The following B4GALNT3 variants were observed in gnomAD, a reference collection of about 807,000 sequenced individuals.
B4GALNT3 encodes beta-1,4-N-acetylgalactosaminyltransferase 3.
In B4GALNT3, 86 loss-of-function variants were observed where a neutral mutation model predicts 120.2. That is an observed-to-expected ratio of 0.72 (90% CI 0.60 to 0.86). The LOEUF is 0.86. Among genes scored for constraint, B4GALNT3 ranks in the 40% least tolerant of loss-of-function variants. The pLI is 0.00. For missense variants in B4GALNT3, 1,167 were observed against 1,298.9 expected (o/e 0.90, Z 1.56); for synonymous variants, 518 against 510.4 (o/e 1.01, Z -0.20).
Position 550,052 on chromosome 12 carries a change from CA to C in B4GALNT3, c.997+141del. On this transcript the variant is annotated intron_variant, in intron 10 of 19. Transcript: ENST00000266383. This position sits in a 1 kb window ranked among gnomAD's most constrained non-coding sequence, Gnocchi z 4.1. ...TTTTTATCGTCCTTGTAACATAGAA[CA>C]TGCATACAGAAAAGAGAGCATGTAA... is the stretch of plus-strand genomic sequence containing the variant. The C allele has an allele frequency of 1.1e-6, 1 of 920,280 alleles. No individual in the cohort carries two copies. The highest frequency in any genetic ancestry group is 1.7e-5 in the African/African-American group (1 of 59,644). 57.0% of individuals were successfully genotyped at this position (920,280 alleles called of 1,614,324 possible).
chr12:550,953 C>T lies in B4GALNT3; in HGVS notation c.1029C>T (p.His343=), dbSNP rs145875846. The T allele has an allele frequency of 7.3e-5, 118 of 1,613,970 alleles. 1 individual carries two copies. In the African/African-American group the frequency reaches 8.7e-4, roughly 12 times the overall value. Reference sequence around the variant, plus strand: ...TGATCCCCAAGTCGCATCTCCGCCACGTCCTGCCTGACTGTCCCTACAAAC... The same window carrying T: ...TGATCCCCAAGTCGCATCTCCGCCATGTCCTGCCTGACTGTCCCTACAAAC... ...VPLIPKSHLR[H]VLPDCPYKPS... The change falls in exon 11 of 20, where the codon CAC becomes CAT. Residue 343 remains histidine (H), a synonymous_variant. Coordinates refer to ENST00000266383, the MANE Select transcript of B4GALNT3 (RefSeq NM_173593.4). The surrounding 1 kb of genome is among the most constrained non-coding windows in gnomAD (Gnocchi z 4.1).
rs1947187750 is a variant in B4GALNT3, at chr12:558,574, A to G, written c.2674A>G (p.Ile892Val). 1.9e-6 allele frequency: 3 copies of G among 1,614,152 alleles called. No homozygotes were observed. Among genetic ancestry groups the G allele is most frequent in the Admixed American group, 1.7e-5 (1 of 60,028 alleles). ...IHFPAGVIDA[I>V]RKHCVEGKMA... ...CTTCCCAGCTGGAGTCATCGATGCCATTCGGAAGCACTGTGTGGAGGGAAA... is the reference window on the plus strand; with the variant it reads ...CTTCCCAGCTGGAGTCATCGATGCCGTTCGGAAGCACTGTGTGGAGGGAAA... The change falls in exon 18 of 20, where the codon ATT becomes GTT. Residue 892 changes from isoleucine to valine, a missense_variant. Physicochemically the swap from Ile to Val is conservative, Grantham distance 29. Coordinates refer to ENST00000266383, the MANE Select transcript of B4GALNT3 (RefSeq NM_173593.4).
intron 1 of B4GALNT3, among the ~76,000 whole-genome samples, chr12:531,279 C>CAA (rs1435312057): frequency 3.3e-5 from 5 of 151,938 alleles, no homozygotes; most frequent in African/African-American, 1.2e-4. Context: ...CACTGTGAAA[C>CAA]AAAGAGGGGG....
chr12:545,640 ATGGGGAGGAGTGAGGAG>A (rs1946984462), intron 6 of B4GALNT3, among the ~76,000 whole-genome samples, 171 bp downstream of exon 6: 3 of 146,204 alleles, frequency 2.1e-5, no homozygotes, highest in Admixed American at 6.7e-5. Flanking sequence ...TAAACTGAGG[ATGGGGAGGAGTGAGGAG>A]TGGGGAGGAG....
intron 1 of B4GALNT3, among the ~76,000 whole-genome samples, chr12:503,982 G>A (rs1005796649): frequency 6.6e-6 from 1 of 152,064 alleles, no homozygotes; most frequent in Non-Finnish European, 1.5e-5. Flanking sequence ...GGGTGTGGTG[G>A]CACGCGCCTG....
At chr12:512,890 TCTACCTTC>T (rs1946607324) in intron 1 of B4GALNT3, among the ~76,000 whole-genome samples, 3 of 125,020 alleles carry the variant, frequency 2.4e-5, no homozygotes, top group Non-Finnish European at 3.3e-5. Flanking sequence ...CATTCCACCT[TCTACCTTC>T]CGCCTTCCGC....
chr12:532,171 G>T (rs917959079), intron 1 of B4GALNT3, among the ~76,000 whole-genome samples: 1 of 152,102 alleles, frequency 6.6e-6, no homozygotes, highest in African/African-American at 2.4e-5. Flanking sequence ...GACTGCAAAG[G>T]AATTTTCCTA....
At chr12:545,858 A>T (rs1198858010) in intron 6 of B4GALNT3, among the ~76,000 whole-genome samples, 1 of 13,346 alleles carries the variant, frequency 7.5e-5, no homozygotes, top group Non-Finnish European at 1.3e-4. Flanking sequence ...AGGAGCGAGG[A>T]GTGGGGAGGT....
chr12:554,708 T>G (rs987776327), intron 14 of B4GALNT3, among the ~76,000 whole-genome samples: 4 of 130,992 alleles, frequency 3.1e-5, no homozygotes, highest in African/African-American at 1.2e-4. Context: ...GAGAATGGCG[T>G]GAACCCGGGA....
intron 1 of B4GALNT3, among the ~76,000 whole-genome samples, chr12:463,527 A>T (rs1946045648): frequency 6.6e-6 from 1 of 152,136 alleles, no homozygotes. Context: ...GATGACCAGG[A>T]TGTGGTTTCT....
At chr12:530,284 C>G (rs955905147) in intron 1 of B4GALNT3, among the ~76,000 whole-genome samples, 7 of 152,210 alleles carry the variant, frequency 4.6e-5, no homozygotes, top group African/African-American at 1.7e-4. Flanking sequence ...TAGTCCTGGG[C>G]CTTTATTAAC....
At chr12:520,792 A>T (rs946064485) in intron 1 of B4GALNT3, among the ~76,000 whole-genome samples, 2 of 152,270 alleles carry the variant, frequency 1.3e-5, no homozygotes, top group Admixed American at 6.5e-5. Flanking sequence ...CTCCGTCTCA[A>T]ATAGATATAT....
At chr12:554,610 G>A (rs1317312491) in intron 14 of B4GALNT3, among the ~76,000 whole-genome samples, 2 of 151,422 alleles carry the variant, frequency 1.3e-5, no homozygotes, top group African/African-American at 2.4e-5. Flanking sequence ...CTAACACGGT[G>A]AAACCCCGTC....
intron 19 of B4GALNT3, among the ~76,000 whole-genome samples, chr12:560,618 CT>C (rs1478044981): frequency 1.3e-5 from 2 of 152,154 alleles, no homozygotes; most frequent in Non-Finnish European, 2.9e-5. Flanking sequence ...TAACTGGGAG[CT>C]CATAAAAAGG....
chr12:545,065 C>A (rs1946975386), intron 5 of B4GALNT3, 93 bp downstream of exon 5: 7 of 1,514,652 alleles, frequency 4.6e-6, no homozygotes, highest in Non-Finnish European at 6.2e-6. Context: ...GTAGACTGGA[C>A]TAACTTCCTG....
intron 1 of B4GALNT3, among the ~76,000 whole-genome samples, chr12:518,383 G>T (rs1426204320): frequency 6.6e-6 from 1 of 152,104 alleles, no homozygotes; most frequent in Admixed American, 6.6e-5. Flanking sequence ...AAAATATGGT[G>T]CAGTATTTGC....
intron 1 of B4GALNT3, among the ~76,000 whole-genome samples, chr12:475,858 C>T (rs1946179689): frequency 6.6e-6 from 1 of 152,184 alleles, no homozygotes; most frequent in Non-Finnish European, 1.5e-5. Context: ...GTTTGCTTCA[C>T]TCTCCCCACA....
intron 1 of B4GALNT3, among the ~76,000 whole-genome samples, chr12:523,514 C>A (rs191755004): frequency 6.6e-6 from 1 of 152,162 alleles, no homozygotes; most frequent in African/African-American, 2.4e-5. Context: ...GCGTCCTCCC[C>A]GGAATACTCT....
Position 558,568 on chromosome 12 carries a change from G to A in B4GALNT3, c.2668G>A (p.Asp890Asn), listed in dbSNP as rs753895546. 11 of 1,614,030 alleles carry A rather than the reference G, an allele frequency of 6.8e-6. No homozygotes were observed. The highest frequency in any genetic ancestry group is 1.7e-5 in the Admixed American group (1 of 60,004). The change falls in exon 18 of 20, where the codon GAT becomes AAT. Residue 890 changes from aspartate to asparagine, a missense_variant. Around this residue, in one of 3 missense-constraint regions of B4GALNT3, gnomAD observed 983 missense variants for 1,102.5 expected, o/e 0.89. Transcript: ENST00000266383. The part of the protein sequence containing the change: ...LHIHFPAGVI[D>N]AIRKHCVEGK... ...CATCCACTTCCCAGCTGGAGTCATC[G>A]ATGCCATTCGGAAGCACTGTGTGGA...
Sources: gnomAD v4.1 joint callset for allele counts (sites outside exome capture counted in the v4.1 genomes callset) on GRCh38, gnomAD v4.1.1 for gene constraint, gnomAD v4.1.1 regional missense constraint, Gnocchi (gnomAD v3.1) non-coding constraint, MANE v1.5 for transcripts, NCBI Gene and HGNC (gene_info 2026-07-23, HGNC 2026-07-21) for gene names.